GINM1: variants seen among roughly 807,000 people sequenced by gnomAD.
The protein encoded by GINM1 is glycoprotein integral membrane protein 1.
GINM1 carries 29 observed loss-of-function variants against 37.8 expected under a neutral mutation model. The observed-to-expected ratio is 0.77, with a 90% CI of 0.57 to 1.05. The LOEUF (loss-of-function observed/expected upper bound fraction) is 1.05. Ranked by LOEUF, GINM1 falls within the 50% of genes least tolerant of loss-of-function variation. The pLI is 0.00. For missense variants in GINM1, 377 were observed against 397.9 expected, an observed-to-expected ratio of 0.95 and a Z score of 0.45; for synonymous variants, 143 against 146.2, an observed-to-expected ratio of 0.98 and a Z score of 0.16.
In GINM1 at chr6:149,566,861, G is replaced by A. The variant is rs909818688; in HGVS notation, c.120+327G>A. Among the ~76,000 whole-genome samples the A allele has an allele frequency of 6.6e-6, 1 of 152,368 alleles. No homozygotes were observed. The highest frequency in any genetic ancestry group is 1.9e-4 in the East Asian group (1 of 5,178). On this transcript the variant is annotated intron_variant, in intron 1 of 7. Transcript: ENST00000367419. This position sits in a 1 kb window ranked among gnomAD's most constrained non-coding sequence, Gnocchi z 4.4. The stretch of plus-strand genomic sequence containing the variant: ...CCGGTGATCAGGCCTTCGTAATGGC[G>A]CCTTCCCGGGGTAGAGCCAGCGCTT...
chr6:149,578,707 A>G (rs568286009), intron 3 of GINM1, 115 bp from the exon 4 acceptor site: 245 of 663,586 alleles, frequency 3.7e-4, no homozygotes, highest in Non-Finnish European at 5.1e-4. Flanking sequence ...AAGAAAGCCA[A>G]AGAAATGGGT....
intron 7 of GINM1, among the ~76,000 whole-genome samples, chr6:149,582,894 T>C (rs1778022295): frequency 6.6e-6 from 1 of 152,148 alleles, no homozygotes. Flanking sequence ...ATACATGTAA[T>C]GGAAAATGCA....
intron 1 of GINM1, among the ~76,000 whole-genome samples, chr6:149,567,187 G>T (rs1777735308): frequency 6.6e-6 from 1 of 152,204 alleles, no homozygotes; most frequent in African/African-American, 2.4e-5. Context: ...TCCTGCAGGT[G>T]CTTCTGATGC....
At chr6:149,587,884 C>T (rs1778096925) in intron 7 of GINM1, among the ~76,000 whole-genome samples, 1 of 152,144 alleles carries the variant, frequency 6.6e-6, no homozygotes, top group South Asian at 2.1e-4. Flanking sequence ...TATCCAGGAT[C>T]CCCCAGCCAT....
At chr6:149,576,937 G>A (rs1200963182) in intron 3 of GINM1, among the ~76,000 whole-genome samples, 2 of 152,208 alleles carry the variant, frequency 1.3e-5, no homozygotes, top group Non-Finnish European at 2.9e-5. Context: ...ACCAGCATCT[G>A]CTCAGCTTCT....
chr6:149,587,228 G>T (rs368873283), intron 7 of GINM1, among the ~76,000 whole-genome samples: 1 of 152,140 alleles, frequency 6.6e-6, no homozygotes, highest in African/African-American at 2.4e-5. Flanking sequence ...AGTACTTCAC[G>T]TTTGGGCACC....
At chr6:149,579,710 A>AT in intron 4 of GINM1, 124 bp from the exon 5 acceptor site, 1 of 542,826 alleles carries the variant, frequency 1.8e-6, no homozygotes, top group Non-Finnish European at 3.1e-6. Flanking sequence ...AAAAAAAAAA[A>AT]GAGTAATTGT....
chr6:149,567,661 C>A (rs866502817), intron 1 of GINM1, among the ~76,000 whole-genome samples: 11 of 152,010 alleles, frequency 7.2e-5, no homozygotes, highest in Non-Finnish European at 1.2e-4. Flanking sequence ...AACAAAAAAA[C>A]CAAGTGTTAA....
At chr6:149,571,344 T>C (rs1274366637) in intron 1 of GINM1, among the ~76,000 whole-genome samples, 1 of 151,832 alleles carries the variant, frequency 6.6e-6, no homozygotes, top group African/African-American at 2.4e-5. Flanking sequence ...ATTGCAACTT[T>C]ATTTATAAAA....
intron 1 of GINM1, among the ~76,000 whole-genome samples, chr6:149,568,430 C>T (rs1777755609): frequency 6.6e-6 from 1 of 152,250 alleles, no homozygotes; most frequent in Non-Finnish European, 1.5e-5. Context: ...TAAGTGCTGT[C>T]CAGTAGAACT....
At chr6:149,583,761 T>C (rs764359229) in intron 7 of GINM1, among the ~76,000 whole-genome samples, 2 of 152,094 alleles carry the variant, frequency 1.3e-5, no homozygotes, top group Non-Finnish European at 2.9e-5. Context: ...AGCAGTATGA[T>C]CACATTTAGG....
chr6:149,570,198 A>G (rs1323517815), intron 1 of GINM1, among the ~76,000 whole-genome samples: 6 of 108,618 alleles, frequency 5.5e-5, no homozygotes, highest in Admixed American at 1.1e-4. Flanking sequence ...ATATATATAT[A>G]AAGTTCAGTA....
At chr6:149,582,710 A>C in intron 7 of GINM1, 107 bp downstream of exon 7, 1 of 765,498 alleles carries the variant, frequency 1.3e-6, no homozygotes, top group South Asian at 2.3e-5. Flanking sequence ...AGGGTAAGAC[A>C]AATGGGAGGG....
chr6:149,580,971 C>T (rs1777992022), intron 6 of GINM1, among the ~76,000 whole-genome samples: 1 of 152,068 alleles, frequency 6.6e-6, no homozygotes, highest in Non-Finnish European at 1.5e-5. Flanking sequence ...ATTATAAATT[C>T]CACAGTTATT....
chr6:149,589,590 A>G (rs557920383), intron 7 of GINM1, among the ~76,000 whole-genome samples: 2 of 152,200 alleles, frequency 1.3e-5, no homozygotes, highest in South Asian at 4.1e-4. Context: ...ATTTTTTAGC[A>G]TTACTTTTCT....
intron 1 of GINM1, among the ~76,000 whole-genome samples, chr6:149,571,325 A>AAG (rs1359479080): frequency 9.9e-5 from 15 of 152,060 alleles, no homozygotes; most frequent in Non-Finnish European, 1.9e-4. Flanking sequence ...AAAAAAAAAA[A>AAG]AAAAAGTCAT....
At position 149,580,634 on chromosome 6, in the gene GINM1, A is replaced by G. The variant is rs777455778; in HGVS notation, c.628A>G (p.Arg210Gly). ...SLQTTSQYLI[R>G]NVETTVDEDV... ...GCAAACCACTAGCCAGTATCTTATC[A>G]GGAATGTGGAAACCACTGTAGATGA... The change falls in exon 6 of 8, where the codon AGG becomes GGG. Residue 210 changes from arginine (R) to glycine (G), a missense_variant. Transcript: ENST00000367419. The G allele has an allele frequency of 3.7e-6, 6 of 1,613,792 alleles. No individual in the cohort carries two copies. The South Asian group carries it at 5.5e-5, about 15-fold the overall frequency.
rs183108375 is a variant in GINM1 at position 149,587,670 on chromosome 6, C to T, written c.882-3057C>T. Among the ~76,000 whole-genome samples the T allele has an allele frequency of 2.0e-3, 309 of 152,284 alleles. 3 individuals carry two copies. The highest frequency in any genetic ancestry group is 8.2e-4 in the Non-Finnish European group (56 of 68,014). ...GTGCACCTCTATCCAGGTCCCATAC[C>T]TCTGTGTGTTCAGCTATCCAGAAGC... On this transcript the variant is annotated intron_variant, in intron 7 of 7. Coordinates refer to ENST00000367419, the MANE Select transcript of GINM1 (RefSeq NM_138785.5).
chr6:149,573,347 A>AGAGGATCACTT (rs77099149), intron 3 of GINM1, among the ~76,000 whole-genome samples: 70,309 of 151,686 alleles, frequency 0.46, 17,376 homozygotes, highest in East Asian at 0.82. Flanking sequence ...CACTGAAGCA[A>AGAGGATCACTT]GATCCCAGGA....
Sources: allele counts gnomAD v4.1 joint callset (sites outside exome capture counted in the v4.1 genomes callset), GRCh38; gene constraint gnomAD v4.1.1; non-coding constraint Gnocchi (gnomAD v3.1); transcripts MANE v1.5; gene names NCBI Gene and HGNC (gene_info 2026-07-23, HGNC 2026-07-21).